ANTXR2: variants seen among roughly 807,000 people sequenced by gnomAD.
ANTXR2 encodes the protein anthrax toxin receptor 2.
ANTXR2 carries 44 observed loss-of-function variants against 73.7 expected under a neutral mutation model. That is an observed-to-expected ratio of 0.60 (90% CI 0.47 to 0.77). The LOEUF (loss-of-function observed/expected upper bound fraction) is 0.77. ANTXR2 is among the 30% of genes least tolerant of loss of function. The probability of loss-of-function intolerance (pLI) is 0.00; values close to 1 mark genes in which losing one functional copy is unlikely to be tolerated. For synonymous variants in ANTXR2, 217 were observed against 205.9 expected (o/e 1.05, Z -0.46); for missense variants, 604 against 592.5 (o/e 1.02, Z -0.20).
At chr4:79,990,383 C>T (rs1409180438) in intron 12 of ANTXR2, among the ~76,000 whole-genome samples, 1 of 76,934 alleles carries the variant, frequency 1.3e-5, no homozygotes, top group African/African-American at 4.7e-5. Flanking sequence ...ACAACAGTTA[C>T]AAAAAAAAAA....
intron 16 of ANTXR2, among the ~76,000 whole-genome samples, chr4:79,915,608 A>G (rs1727310899): frequency 6.6e-6 from 1 of 152,134 alleles, no homozygotes; most frequent in Non-Finnish European, 1.5e-5. Flanking sequence ...ACGACAGTAA[A>G]GAGTGTTTCA....
chr4:79,964,812 G>T (rs1044761879), intron 16 of ANTXR2: 1 of 152,224 alleles, frequency 6.6e-6, no homozygotes, highest in African/African-American at 2.4e-5. Flanking sequence ...CAACCTGCTA[G>T]CTTACACCTG....
At chr4:79,995,412 A>G (rs555687422) in intron 12 of ANTXR2, among the ~76,000 whole-genome samples, 1 of 152,132 alleles carries the variant, frequency 6.6e-6, no homozygotes, top group South Asian at 2.1e-4. Context: ...ATAGATTTAC[A>G]TGAAACTAAA....
At chr4:80,056,202 A>G (rs984563262) in intron 3 of ANTXR2, among the ~76,000 whole-genome samples, 189 bp from the exon 4 acceptor site, 1 of 151,938 alleles carries the variant, frequency 6.6e-6, no homozygotes, top group Non-Finnish European at 1.5e-5. Flanking sequence ...TAACTTCTGT[A>G]TTTTAACTAC....
intron 11 of ANTXR2, among the ~76,000 whole-genome samples, 184 bp downstream of exon 11, chr4:80,018,714 G>A (rs1731999652): frequency 6.6e-6 from 1 of 152,024 alleles, no homozygotes; most frequent in African/African-American, 2.4e-5. Context: ...ATAAAAGGGA[G>A]CTCAACATAA....
intron 12 of ANTXR2, among the ~76,000 whole-genome samples, chr4:79,995,350 C>T (rs1730676818): frequency 6.6e-6 from 1 of 151,618 alleles, no homozygotes; most frequent in Non-Finnish European, 1.5e-5. Flanking sequence ...TAGTTGATTT[C>T]CAAATGTATA....
intron 16 of ANTXR2, among the ~76,000 whole-genome samples, chr4:79,911,903 T>C (rs562887121): frequency 2.0e-5 from 3 of 152,122 alleles, no homozygotes; most frequent in East Asian, 1.9e-4. Flanking sequence ...ACTTACTCAA[T>C]TAGGCAATCA....
At chr4:80,034,967 A>C (rs1322736454) in intron 8 of ANTXR2, among the ~76,000 whole-genome samples, 2 of 152,180 alleles carry the variant, frequency 1.3e-5, no homozygotes, top group African/African-American at 4.8e-5. Context: ...AGGGTCAAAC[A>C]GGGTAATTAC....
At chr4:79,985,057 G>C (rs1730067431) in intron 12 of ANTXR2, among the ~76,000 whole-genome samples, 194 bp from the exon 13 acceptor site, 1 of 152,038 alleles carries the variant, frequency 6.6e-6, no homozygotes, top group South Asian at 2.1e-4. Flanking sequence ...AATAGAAAAA[G>C]GTTGAAGTGG....
chr4:79,977,961 G>A lies in ANTXR2; in HGVS notation c.1347+46C>T, dbSNP rs1198006550. 2.6e-6 allele frequency: 4 copies of A among 1,526,564 alleles called. No homozygotes were observed. The East Asian group carries it at 9.1e-5, about 35-fold the overall frequency. The allele number at this position is 1,526,564 out of a possible 1,614,324, so 94.6% of individuals were successfully genotyped here. A position where few individuals can be genotyped will look rare whatever the true frequency, so the allele number is the denominator to read the frequency against. On this transcript the variant is annotated intron_variant, in intron 15 of 16. Coordinates refer to ENST00000403729, the MANE Select transcript of ANTXR2 (RefSeq NM_058172.6). ...GATGTGGTACAAAAAAAGTTACAATGTCTCCAGAAGTTTTGAGTTAAATTA... is the reference window on the plus strand; with the variant it reads ...GATGTGGTACAAAAAAAGTTACAATATCTCCAGAAGTTTTGAGTTAAATTA...
intron 11 of ANTXR2, among the ~76,000 whole-genome samples, chr4:80,010,306 G>A (rs978798240): frequency 6.6e-6 from 1 of 152,120 alleles, no homozygotes; most frequent in Non-Finnish European, 1.5e-5. Flanking sequence ...TCATAGAAAC[G>A]CATGGAAAAC....
rs1171520916 is a variant in ANTXR2, at chr4:79,902,475, C to G, written c.*4954G>C. On this transcript the variant is annotated 3_prime_UTR_variant, in exon 17 of 17. Transcript: ENST00000403729. Reference sequence around the variant, plus strand: ...TTTCTTTCTGTGGTATACAAAGTATCCCAATTATTAAAACTGGGAGCATAA... The same window carrying G: ...TTTCTTTCTGTGGTATACAAAGTATGCCAATTATTAAAACTGGGAGCATAA... 6.6e-6 allele frequency: 1 copy of G among 152,092 alleles called. No individual in the cohort carries two copies. Among genetic ancestry groups the G allele is most frequent in the Non-Finnish European group, 1.5e-5 (1 of 68,024 alleles). 9.4% of individuals were successfully genotyped at this position (152,092 alleles called of 1,614,324 possible).
At chr4:79,943,751 T>A (rs7434603) in intron 16 of ANTXR2, among the ~76,000 whole-genome samples, 15 of 150,394 alleles carry the variant, frequency 1.0e-4, no homozygotes, top group Admixed American at 4.0e-4. Context: ...AAAAAATAAA[T>A]AAAAAATAAA....
intron 12 of ANTXR2, among the ~76,000 whole-genome samples, chr4:79,997,204 T>C (rs1018988106): frequency 9.2e-5 from 14 of 151,956 alleles, no homozygotes; most frequent in African/African-American, 3.4e-4. Flanking sequence ...GATGCAATCA[T>C]ATGTTCCAAT....
intron 7 of ANTXR2, among the ~76,000 whole-genome samples, chr4:80,043,967 C>G (rs560464364): frequency 6.6e-6 from 1 of 151,964 alleles, no homozygotes; most frequent in South Asian, 2.1e-4. Context: ...AATCTCCTTT[C>G]TACATGACAA....
At chr4:79,943,742 A>T (rs1323063737) in intron 16 of ANTXR2, among the ~76,000 whole-genome samples, 1 of 147,740 alleles carries the variant, frequency 6.8e-6, no homozygotes, top group Non-Finnish European at 1.5e-5. Context: ...TAATAAAAAA[A>T]AAAATAAATA....
intron 16 of ANTXR2, among the ~76,000 whole-genome samples, chr4:79,919,557 A>G (rs1727485229): frequency 1.3e-5 from 2 of 152,022 alleles, no homozygotes; most frequent in South Asian, 4.1e-4. Context: ...TGGAAAGACT[A>G]GTCTGGCTTA....
intron 11 of ANTXR2, among the ~76,000 whole-genome samples, chr4:80,012,340 C>CTT (rs36013008): frequency 2.0e-5 from 3 of 146,562 alleles, no homozygotes; most frequent in Non-Finnish European, 3.0e-5. Flanking sequence ...AAGCTAATAC[C>CTT]TTTTTTTTTT....
chr4:80,027,959 A>G (rs896888644), intron 10 of ANTXR2, among the ~76,000 whole-genome samples: 5 of 152,156 alleles, frequency 3.3e-5, no homozygotes, highest in African/African-American at 2.4e-5. Flanking sequence ...AAAGAAGACA[A>G]TTTGGCACAA....
Sources: gnomAD v4.1 joint callset for allele counts (sites outside exome capture counted in the v4.1 genomes callset) on GRCh38, gnomAD v4.1.1 for gene constraint, MANE v1.5 for transcripts, NCBI Gene and HGNC (gene_info 2026-07-23, HGNC 2026-07-21) for gene names.